Variants in EBF1 observed in about 807,000 individuals in gnomAD.
EBF1 encodes EBF transcription factor 1, also known as transcription factor COE1.
EBF1 carries 10 observed loss-of-function variants against 68.4 expected under a neutral mutation model. The ratio of observed to expected loss-of-function variants is 0.15; its 90% CI spans 0.09 to 0.25. The LOEUF (loss-of-function observed/expected upper bound fraction) is 0.25, where lower values mean the gene tolerates loss of function less well. Among genes scored for constraint, EBF1 ranks in the 10% least tolerant of loss-of-function variants. The probability of loss-of-function intolerance (pLI) is 1.00; values close to 1 mark genes in which losing one functional copy is unlikely to be tolerated. For missense variants in EBF1, 509 were observed against 794.4 expected (o/e 0.64, Z 4.32); for synonymous variants, 298 against 299.8 (o/e 0.99, Z 0.06).
intron 6 of EBF1, among the ~76,000 whole-genome samples, chr5:158,925,031 T>G (rs1809353978): frequency 6.6e-6 from 1 of 152,040 alleles, no homozygotes; most frequent in Non-Finnish European, 1.5e-5. Flanking sequence ...GCAGCTTTCT[T>G]TCTGTTCCTC....
intron 6 of EBF1, among the ~76,000 whole-genome samples, chr5:158,922,857 T>G (rs1050903523): frequency 1.3e-5 from 2 of 152,186 alleles, no homozygotes; most frequent in African/African-American, 4.8e-5. Context: ...TATTTTACTC[T>G]TTTTTCTAAC....
At chr5:158,763,856 G>A (rs915396537) in intron 10 of EBF1, among the ~76,000 whole-genome samples, 1 of 152,102 alleles carries the variant, frequency 6.6e-6, no homozygotes, top group African/African-American at 2.4e-5. Context: ...GTTGGTTTGG[G>A]AAAGACCCTT....
chr5:158,971,644 T>C (rs1755677281), intron 6 of EBF1, among the ~76,000 whole-genome samples: 1 of 152,144 alleles, frequency 6.6e-6, no homozygotes, highest in Admixed American at 6.5e-5. Flanking sequence ...AGGAGGAAAT[T>C]GTCAAGGAGA....
At chr5:158,773,676 T>G (rs1314481887) in intron 10 of EBF1, among the ~76,000 whole-genome samples, 3 of 152,038 alleles carry the variant, frequency 2.0e-5, no homozygotes, top group Non-Finnish European at 4.4e-5. Flanking sequence ...ACACATGCAT[T>G]TGGAATTGGC....
At chr5:158,889,039 TTTTTTCCCC>T (rs1800629291) in intron 6 of EBF1, among the ~76,000 whole-genome samples, 1 of 152,056 alleles carries the variant, frequency 6.6e-6, no homozygotes, top group Non-Finnish European at 1.5e-5. Flanking sequence ...TACTTTAGGG[TTTTTTCCCC>T]ACATATGTTC....
At chr5:158,828,807 T>A (rs1474692358) in intron 7 of EBF1, among the ~76,000 whole-genome samples, 1 of 152,152 alleles carries the variant, frequency 6.6e-6, no homozygotes, top group East Asian at 1.9e-4. Context: ...AATGGATGAA[T>A]GGAAAAACAA....
intron 6 of EBF1, among the ~76,000 whole-genome samples, chr5:159,020,926 T>C (rs961918443): frequency 6.6e-6 from 1 of 152,242 alleles, no homozygotes; most frequent in Non-Finnish European, 1.5e-5. Flanking sequence ...ATGAATAATA[T>C]ATGTGAATAT....
In EBF1 at chr5:159,006,349, T is replaced by A. The variant is rs554148142; in HGVS notation, c.554+67047A>T. Among the ~76,000 whole-genome samples the A allele has an allele frequency of 7.2e-5, 11 of 152,064 alleles. No individual in the cohort carries two copies. In the South Asian group the frequency reaches 2.1e-3, roughly 29 times the overall value. On this transcript the variant is annotated intron_variant, in intron 6 of 15. Transcript: ENST00000313708. ...TATTTAGTGGGGATGACACCATGAG[T>A]CCTTCACCCTTATCCCAGAGTGGTG...
At chr5:158,889,016 A>C (rs2128104891) in intron 6 of EBF1, among the ~76,000 whole-genome samples, 1 of 152,262 alleles carries the variant, frequency 6.6e-6, no homozygotes, top group East Asian at 1.9e-4. Flanking sequence ...TTAGGTATTA[A>C]GTTCCCACTG....
chr5:158,803,763 G>A (rs1383815206), intron 8 of EBF1, among the ~76,000 whole-genome samples: 1 of 151,766 alleles, frequency 6.6e-6, no homozygotes, highest in Non-Finnish European at 1.5e-5. Context: ...TGTGTTACTA[G>A]GGATTTGTTT....
chr5:158,839,684 C>G (rs1789723205), intron 7 of EBF1, among the ~76,000 whole-genome samples: 1 of 152,162 alleles, frequency 6.6e-6, no homozygotes, highest in Non-Finnish European at 1.5e-5. Flanking sequence ...CGCTCAGCCT[C>G]TTTACTCTTA....
chr5:158,848,534 C>T (rs1394167474), intron 6 of EBF1, among the ~76,000 whole-genome samples: 2 of 152,280 alleles, frequency 1.3e-5, no homozygotes, highest in African/African-American at 2.4e-5. Flanking sequence ...ACAGAACCAA[C>T]CCAAATATGG....
chr5:158,774,596 G>A (rs1211925221), intron 10 of EBF1, among the ~76,000 whole-genome samples: 4 of 152,112 alleles, frequency 2.6e-5, no homozygotes, highest in Non-Finnish European at 4.4e-5. Context: ...AATGAAGTGT[G>A]AACTTCTGTG....
intron 6 of EBF1, among the ~76,000 whole-genome samples, chr5:158,934,782 C>T (rs1226554417): frequency 6.6e-6 from 1 of 152,172 alleles, no homozygotes; most frequent in Non-Finnish European, 1.5e-5. Flanking sequence ...TAGCACAGTG[C>T]CTGGCACATA....
At chr5:158,919,119 G>A (rs752961160) in intron 6 of EBF1, among the ~76,000 whole-genome samples, 6 of 152,184 alleles carry the variant, frequency 3.9e-5, no homozygotes, top group Non-Finnish European at 5.9e-5. Flanking sequence ...TGTTGGGCCT[G>A]CGAGGATGTG....
At chr5:158,749,491 G>T (rs1334434744) in intron 10 of EBF1, among the ~76,000 whole-genome samples, 2 of 152,198 alleles carry the variant, frequency 1.3e-5, no homozygotes, top group East Asian at 3.9e-4. Context: ...TCCTGGCCTT[G>T]AAACTTTGGT....
At chr5:158,874,507 G>A (rs748320692) in intron 6 of EBF1, among the ~76,000 whole-genome samples, 67 of 152,230 alleles carry the variant, frequency 4.4e-4, no homozygotes, top group Non-Finnish European at 8.1e-4. Flanking sequence ...AATGTCTACC[G>A]AAACCAACCA....
chr5:158,706,410 T>C (rs951417859), intron 15 of EBF1, among the ~76,000 whole-genome samples: 1 of 152,104 alleles, frequency 6.6e-6, no homozygotes, highest in African/African-American at 2.4e-5. Context: ...TGTTCCAGTT[T>C]AGCTGTACTA....
chr5:158,729,029 C>T (rs1268869183), intron 11 of EBF1, among the ~76,000 whole-genome samples: 1 of 152,168 alleles, frequency 6.6e-6, no homozygotes, highest in Admixed American at 6.5e-5. Context: ...CAACTGCTCA[C>T]CAGGATTAGG....
Sources: gnomAD v4.1 joint callset for allele counts (sites outside exome capture counted in the v4.1 genomes callset) on GRCh38, gnomAD v4.1.1 for gene constraint, MANE v1.5 for transcripts, NCBI Gene and HGNC (gene_info 2026-07-23, HGNC 2026-07-21) for gene names.